The following MAST2 variants were observed in gnomAD, a reference collection of about 807,000 sequenced individuals.
MAST2 encodes microtubule-associated serine/threonine-protein kinase 2.
In MAST2, 70 loss-of-function variants were observed where a neutral mutation model predicts 147.4. The ratio of observed to expected loss-of-function variants is 0.47; its 90% CI spans 0.39 to 0.58. The LOEUF (loss-of-function observed/expected upper bound fraction) is 0.58, where lower values mean the gene tolerates loss of function less well. Ranked by LOEUF, MAST2 falls within the 20% of genes least tolerant of loss-of-function variation. The pLI, the probability that MAST2 is intolerant of heterozygous loss-of-function variation, is 0.00. For missense variants in MAST2, 2,080 were observed against 2,302.3 expected (o/e 0.90, Z 1.98); for synonymous variants, 869 against 896.8 (o/e 0.97, Z 0.55).
intron 3 of MAST2, among the ~76,000 whole-genome samples, chr1:45,844,164 A>G (rs1253251735): frequency 3.3e-5 from 5 of 151,760 alleles, no homozygotes; most frequent in East Asian, 1.9e-4. Flanking sequence ...CAGTGGTGCA[A>G]CCTTGGCTCA....
intron 1 of MAST2, among the ~76,000 whole-genome samples, chr1:45,806,796 C>T (rs771506874): frequency 5.3e-5 from 8 of 152,156 alleles, no homozygotes; most frequent in Non-Finnish European, 8.8e-5. Context: ...AGGCTAGTCA[C>T]GAGCTCCTAA....
intron 3 of MAST2, among the ~76,000 whole-genome samples, chr1:45,879,259 A>C (rs376180169): frequency 6.6e-6 from 1 of 152,138 alleles, no homozygotes; most frequent in African/African-American, 2.4e-5. Context: ...TACTACCTCA[A>C]AATTAATTTT....
chr1:45,830,928 C>T (rs890752435), intron 3 of MAST2, among the ~76,000 whole-genome samples: 1 of 149,820 alleles, frequency 6.7e-6, no homozygotes, highest in African/African-American at 2.5e-5. Flanking sequence ...CCCAGCTACT[C>T]AGAAGGCTGA....
chr1:45,936,018 A>G (rs895912074), intron 4 of MAST2, among the ~76,000 whole-genome samples: 2 of 152,190 alleles, frequency 1.3e-5, no homozygotes, highest in Non-Finnish European at 2.9e-5. Context: ...AATTCTTCCT[A>G]TCTGTGAGCA....
chr1:45,824,359 G>A, intron 1 of MAST2, 74 bp from the exon 2 acceptor site: 1 of 1,156,772 alleles, frequency 8.6e-7, no homozygotes. Flanking sequence ...ATGCTGTAGA[G>A]ATGTTTAATA....
At position 45,875,048 on chromosome 1, in the gene MAST2, C is replaced by A. The variant is rs114238526; in HGVS notation, c.469-7316C>A. Among the ~76,000 whole-genome samples, 24 of 152,292 alleles carry A rather than the reference C, an allele frequency of 1.6e-4. 1 individual carries two copies. The highest frequency in any genetic ancestry group is 5.8e-4 in the African/African-American group (24 of 41,552). On this transcript the variant is annotated intron_variant, in intron 3 of 28. Coordinates refer to ENST00000361297, the MANE Select transcript of MAST2 (RefSeq NM_015112.3). The stretch of plus-strand genomic sequence containing the variant: ...AGACTGGAGAATTATGCAAATGATA[C>A]TGAGGAGGGAGGCAGTCAGAGCCAA...
At chr1:46,028,551 C>T (rs1159891875) in intron 17 of MAST2, among the ~76,000 whole-genome samples, 3 of 152,132 alleles carry the variant, frequency 2.0e-5, no homozygotes, top group East Asian at 1.9e-4. Context: ...ATGGTAGTTC[C>T]GGGCTAGAAT....
In MAST2 at chr1:46,035,502, C is replaced by G. The variant is rs762234493; in HGVS notation, c.4833C>G (p.Ile1611Met). Residue 1611 changes from isoleucine to methionine, a missense_variant, in exon 29 of 29, where the codon ATC (isoleucine) becomes ATG (methionine). Transcript: ENST00000361297. The surrounding 1 kb of genome is among the most constrained non-coding windows in gnomAD (Gnocchi z 5.5). ...NLGQSGATDP[I>M]PPEGCWKAQH... ...GTCAGTCTGGAGCCACAGACCCCAT[C>G]CCTCCTGAAGGTTGCTGGAAGGCCC... 6 of 1,613,190 alleles carry G rather than the reference C, an allele frequency of 3.7e-6. No individual in the cohort carries two copies. The highest frequency in any genetic ancestry group is 5.1e-6 in the Non-Finnish European group (6 of 1,180,016).
At chr1:45,808,184 G>A (rs149932716) in intron 1 of MAST2, among the ~76,000 whole-genome samples, 1 of 152,128 alleles carries the variant, frequency 6.6e-6, no homozygotes, top group African/African-American at 2.4e-5. Flanking sequence ...GCTTCTCTCT[G>A]TATCTTTCCT....
chr1:45,989,296 A>G (rs935046169), intron 5 of MAST2, among the ~76,000 whole-genome samples: 1 of 152,186 alleles, frequency 6.6e-6, no homozygotes, highest in Non-Finnish European at 1.5e-5. Flanking sequence ...TAAACTACTC[A>G]GTTCCAGTGT....
intron 3 of MAST2, among the ~76,000 whole-genome samples, chr1:45,862,830 C>G (rs1335275437): frequency 6.6e-6 from 1 of 152,138 alleles, no homozygotes; most frequent in African/African-American, 2.4e-5. Context: ...GGTTGATAAT[C>G]CCATAACGTT....
chr1:46,033,995 G>A (rs1221478011), intron 27 of MAST2, 57 bp downstream of exon 27: 2 of 1,608,288 alleles, frequency 1.2e-6, no homozygotes, highest in Non-Finnish European at 1.7e-6. Context: ...CTGGTACGTG[G>A]TGGGTGCCTT....
intron 4 of MAST2, among the ~76,000 whole-genome samples, chr1:45,939,834 C>CT (rs1167652871): frequency 3.9e-5 from 6 of 152,036 alleles, no homozygotes; most frequent in African/African-American, 1.4e-4. Context: ...GCCACCGTGC[C>CT]TGGCCCAATT....
chr1:45,943,094 T>C (rs1156669156), intron 4 of MAST2, among the ~76,000 whole-genome samples: 1 of 152,160 alleles, frequency 6.6e-6, no homozygotes, highest in African/African-American at 2.4e-5. Context: ...GGTATACATT[T>C]GGGATAAGGG....
At chr1:45,995,921 G>C (rs952132455) in intron 5 of MAST2, among the ~76,000 whole-genome samples, 1 of 152,036 alleles carries the variant, frequency 6.6e-6, no homozygotes, top group African/African-American at 2.4e-5. Flanking sequence ...AAGTAATCTG[G>C]TAAAGGACCC....
At chr1:45,835,920 A>G (rs530323608) in intron 3 of MAST2, among the ~76,000 whole-genome samples, 60 of 152,314 alleles carry the variant, frequency 3.9e-4, no homozygotes, top group Non-Finnish European at 6.3e-4. Flanking sequence ...TTTCTGCATT[A>G]TAGCATGTAT....
At chr1:46,027,512 T>C (rs138086409) in intron 16 of MAST2, among the ~76,000 whole-genome samples, 8 of 152,228 alleles carry the variant, frequency 5.3e-5, no homozygotes, top group African/African-American at 1.9e-4. Flanking sequence ...GTTGTGGGAA[T>C]GGGCAAAAGG....
At chr1:45,825,614 G>T (rs1237380157) in intron 2 of MAST2, among the ~76,000 whole-genome samples, 1 of 150,464 alleles carries the variant, frequency 6.6e-6, no homozygotes, top group Admixed American at 6.6e-5. Context: ...TTTATTTTTG[G>T]TAGAGACAGG....
chr1:45,903,126 CTTTT>C lies in MAST2; in HGVS notation c.500+20749_500+20752del, dbSNP rs34621764. Among the ~76,000 whole-genome samples, 280 of 79,336 alleles carry C rather than the reference CTTTT, an allele frequency of 3.5e-3. 2 individuals are homozygous for C. Among genetic ancestry groups the C allele is most frequent in the East Asian group, 0.024 (65 of 2,720 alleles). 52.0% of individuals were successfully genotyped at this position (79,336 alleles called of 152,430 possible). A position where few individuals can be genotyped will look rare whatever the true frequency, so the allele number is the denominator to read the frequency against. The stretch of plus-strand genomic sequence containing the variant: ...AGCATTTAGCACTATAAATTTTTGT[CTTTT>C]TTTTTTTTTTTTTTTTTGGAGACAG... On this transcript the variant is annotated intron_variant, in intron 4 of 28. Transcript: ENST00000361297.
Sources: gnomAD v4.1 joint callset for allele counts (sites outside exome capture counted in the v4.1 genomes callset) on GRCh38, gnomAD v4.1.1 for gene constraint, Gnocchi (gnomAD v3.1) non-coding constraint, MANE v1.5 for transcripts, NCBI Gene and HGNC (gene_info 2026-07-23, HGNC 2026-07-21) for gene names.